Variants in MLLT10 observed in about 807,000 individuals in gnomAD.
MLLT10 encodes protein AF-10.
MLLT10 carries 30 observed loss-of-function variants against 129.1 expected under a neutral mutation model. That is an observed-to-expected ratio of 0.23 (90% CI 0.17 to 0.32). MLLT10 has a LOEUF of 0.32. Among genes scored for constraint, MLLT10 ranks in the 10% least tolerant of loss-of-function variants. MLLT10 has a pLI of 1.00. For missense variants in MLLT10, 1,119 were observed against 1,268.3 expected, an observed-to-expected ratio of 0.88 and a Z score of 1.79; for synonymous variants, 490 against 446.4, an observed-to-expected ratio of 1.10 and a Z score of -1.23.
chr10:21,704,379 AT>A, intron 13 of MLLT10, among the ~76,000 whole-genome samples: 2 of 128,628 alleles, frequency 1.6e-5, no homozygotes, highest in East Asian at 2.6e-4. Flanking sequence ...ATATATATAT[AT>A]ATAATTATTA....
intron 8 of MLLT10, chr10:21,624,851 AC>A (rs2131244600): frequency 3.7e-6 from 4 of 1,094,578 alleles, no homozygotes; most frequent in South Asian, 1.4e-5. Flanking sequence ...GTTGTGCAGG[AC>A]CCCCTCTGCC....
At chr10:21,694,015 G>A (rs915453804) in intron 13 of MLLT10, among the ~76,000 whole-genome samples, 4 of 152,112 alleles carry the variant, frequency 2.6e-5, no homozygotes, top group African/African-American at 9.7e-5. Flanking sequence ...AAAGAGCTGC[G>A]TAGTTCTTTT....
At chr10:21,609,483 G>A (rs1166964673) in intron 5 of MLLT10, among the ~76,000 whole-genome samples, 1 of 152,162 alleles carries the variant, frequency 6.6e-6, no homozygotes, top group Non-Finnish European at 1.5e-5. Flanking sequence ...TGATGCATTT[G>A]TATTTGGCTT....
chr10:21,655,344 T>A (rs2049458839), intron 9 of MLLT10, among the ~76,000 whole-genome samples: 1 of 152,140 alleles, frequency 6.6e-6, no homozygotes, highest in African/African-American at 2.4e-5. Flanking sequence ...GTATTTTAGG[T>A]TTTGTAGGCC....
intron 4 of MLLT10, among the ~76,000 whole-genome samples, chr10:21,588,000 A>T (rs1398853310): frequency 6.6e-6 from 1 of 151,740 alleles, no homozygotes; most frequent in Non-Finnish European, 1.5e-5. Context: ...AATATTATAT[A>T]CTCTTCTGCC....
intron 3 of MLLT10, among the ~76,000 whole-genome samples, chr10:21,568,759 C>G (rs554251496): frequency 2.0e-5 from 3 of 152,162 alleles, no homozygotes; most frequent in Non-Finnish European, 2.9e-5. Flanking sequence ...GCCTCAGCCT[C>G]CTGAGTAGCT....
rs565534583 is a variant in MLLT10, at chr10:21,613,625, G to GTA, written c.509+1174_509+1175insTA. ...TGTGTTTTTAAAAATGAATATGCTA[G>GTA]GCACTGTGGCTTACGCCTGTAATCC... On this transcript the variant is annotated intron_variant, in intron 6 of 22. Coordinates refer to ENST00000307729, the MANE Select transcript of MLLT10 (RefSeq NM_001195626.3). Among the ~76,000 whole-genome samples, 488 of 152,312 alleles carry GTA rather than the reference G, an allele frequency of 3.2e-3. 5 individuals carry two copies. Among genetic ancestry groups the GTA allele is most frequent in the African/African-American group, 0.011 (456 of 41,556 alleles).
chr10:21,678,322 C>G (rs2052396870), intron 11 of MLLT10, among the ~76,000 whole-genome samples: 1 of 152,170 alleles, frequency 6.6e-6, no homozygotes, highest in African/African-American at 2.4e-5. Context: ...CCAGGACAGT[C>G]TCCATCTCTT....
chr10:21,619,029 TACACACACACACACAC>T (rs66469025), intron 8 of MLLT10, among the ~76,000 whole-genome samples: 39 of 143,886 alleles, frequency 2.7e-4, no homozygotes, highest in African/African-American at 7.7e-4. Flanking sequence ...CCTGGTGACA[TACACACACACACACAC>T]ACACACACAC....
chr10:21,583,929 A>G (rs1589078618), intron 3 of MLLT10, among the ~76,000 whole-genome samples: 2 of 147,942 alleles, frequency 1.4e-5, no homozygotes, highest in South Asian at 2.1e-4. Context: ...GAGTGCAGTG[A>G]CGCGATCTCG....
At chr10:21,714,116 A>T (rs1378393025) in intron 14 of MLLT10, among the ~76,000 whole-genome samples, 166 bp downstream of exon 14, 1 of 152,220 alleles carries the variant, frequency 6.6e-6, no homozygotes, top group East Asian at 1.9e-4. Context: ...TTTACATGGT[A>T]TTCATGAGAG....
At chr10:21,642,054 A>G (rs1021230533) in intron 8 of MLLT10, among the ~76,000 whole-genome samples, 37 of 152,326 alleles carry the variant, frequency 2.4e-4, no homozygotes, top group African/African-American at 8.4e-4. Context: ...GAACAGCTAG[A>G]AAATTTCAAT....
chr10:21,599,826 C>G (rs1312691906), intron 5 of MLLT10, among the ~76,000 whole-genome samples: 2 of 152,096 alleles, frequency 1.3e-5, no homozygotes, highest in African/African-American at 4.8e-5. Context: ...CTCTGGCCTC[C>G]CAAGGTGCTA....
At chr10:21,625,458 G>T (rs1303397577) in intron 8 of MLLT10, 6 of 993,624 alleles carry the variant, frequency 6.0e-6, no homozygotes, top group Non-Finnish European at 9.7e-6. Context: ...ATGACTTCTG[G>T]ATATGGTTCT....
chr10:21,625,972 A>G, intron 8 of MLLT10: 1 of 854,624 alleles, frequency 1.2e-6, no homozygotes, highest in South Asian at 1.3e-5. Flanking sequence ...GTTGCACACC[A>G]GAGTACACAC....
intron 3 of MLLT10, among the ~76,000 whole-genome samples, chr10:21,543,992 G>C (rs903273126): frequency 6.6e-6 from 1 of 152,154 alleles, no homozygotes; most frequent in African/African-American, 2.4e-5. Context: ...TGTGCTACTT[G>C]TTCCAAAATG....
At chr10:21,585,043 G>T (rs1370469199) in intron 3 of MLLT10, among the ~76,000 whole-genome samples, 2 of 151,854 alleles carry the variant, frequency 1.3e-5, no homozygotes. Context: ...TCAGCCTGCT[G>T]AGTAGCTGGT....
At position 21,542,901 on chromosome 10, in the gene MLLT10, T is replaced by C. The variant is rs541605573; in HGVS notation, c.240+3989T>C. Among the ~76,000 whole-genome samples, 27 of 151,986 alleles carry C rather than the reference T, an allele frequency of 1.8e-4. 1 individual carries two copies. The highest frequency in any genetic ancestry group is 1.4e-3 in the Admixed American group (22 of 15,268). On this transcript the variant is annotated intron_variant, in intron 3 of 22. Coordinates refer to ENST00000307729, the MANE Select transcript of MLLT10 (RefSeq NM_001195626.3). ...ACCCTCTTTAAGAAAAAGAAGTTTT[T>C]GCAGGGGGGCATTTTATTTTAACAT...
chr10:21,654,906 C>T (rs2049400015), intron 9 of MLLT10, among the ~76,000 whole-genome samples: 1 of 152,096 alleles, frequency 6.6e-6, no homozygotes, highest in African/African-American at 2.4e-5. Flanking sequence ...CGCATGGTGG[C>T]TCATGCCTGT....
Sources: gnomAD v4.1 joint callset for allele counts (sites outside exome capture counted in the v4.1 genomes callset) on GRCh38, gnomAD v4.1.1 for gene constraint, MANE v1.5 for transcripts, NCBI Gene and HGNC (gene_info 2026-07-23, HGNC 2026-07-21) for gene names.